The following HSD17B4 variants were observed in gnomAD, a reference collection of about 807,000 sequenced individuals.
HSD17B4 encodes the protein hydroxysteroid 17-beta dehydrogenase 4.
Under a neutral mutation model 101.0 loss-of-function variants are expected in HSD17B4, and 70 were observed. The observed-to-expected ratio is 0.69, with a 90% CI of 0.57 to 0.85. The LOEUF is 0.85. Among genes scored for constraint, HSD17B4 ranks in the 40% least tolerant of loss-of-function variants. HSD17B4 has a pLI of 0.00. For missense variants in HSD17B4, 984 were observed against 892.4 expected (o/e 1.10, Z -1.31); for synonymous variants, 347 against 297.1 (o/e 1.17, Z -1.73).
chr5:119,477,428 A>G lies in HSD17B4; in HGVS notation c.361A>G (p.Arg121Gly), dbSNP rs1455328824. 6.2e-7 allele frequency: 1 copy of G among 1,607,492 alleles called. No individual in the cohort carries two copies. The highest frequency in any genetic ancestry group is 1.7e-5 in the Admixed American group (1 of 59,938). Reference sequence around the variant, plus strand: ...ATTTATTGTTTTAGATATAATCCACAGAGTTCATTTGCGGGGTTCATTCCA... The same window carrying G: ...ATTTATTGTTTTAGATATAATCCACGGAGTTCATTTGCGGGGTTCATTCCA... ...ISDEDWDIIH[R>G]VHLRGSFQVT... is the part of the protein sequence containing the mutation. The change falls in exon 7 of 24, where the codon AGA becomes GGA. Residue 121 changes from arginine (R) to glycine (G), a missense_variant. Transcript: ENST00000510025.
intron 2 of HSD17B4, among the ~76,000 whole-genome samples, chr5:119,459,411 A>C (rs1255079116): frequency 6.6e-6 from 1 of 152,234 alleles, no homozygotes; most frequent in Non-Finnish European, 1.5e-5. Flanking sequence ...GATATATCAA[A>C]GTGAAGGTCT....
intron 20 of HSD17B4, among the ~76,000 whole-genome samples, chr5:119,528,968 GT>G (rs1167375813): frequency 1.3e-5 from 2 of 151,858 alleles, no homozygotes; most frequent in African/African-American, 2.4e-5. Context: ...TTAAACCAGT[GT>G]TTTAAAATGA....
At chr5:119,458,611 G>A (rs758910222) in intron 2 of HSD17B4, among the ~76,000 whole-genome samples, 2 of 150,884 alleles carry the variant, frequency 1.3e-5, no homozygotes, top group Non-Finnish European at 2.9e-5. Flanking sequence ...CACTTCTACC[G>A]ACATTTCATT....
At chr5:119,461,257 A>G (rs889689556) in intron 2 of HSD17B4, among the ~76,000 whole-genome samples, 9 of 152,240 alleles carry the variant, frequency 5.9e-5, no homozygotes, top group Non-Finnish European at 1.0e-4. Flanking sequence ...GACATTTACA[A>G]ATCTATAAGC....
intron 2 of HSD17B4, among the ~76,000 whole-genome samples, chr5:119,463,552 G>A (rs890509863): frequency 7.9e-5 from 11 of 139,516 alleles, no homozygotes; most frequent in African/African-American, 2.9e-4. Context: ...TTTGATAGTA[G>A]CCATTCTAAC....
At chr5:119,530,845 C>CAAAAAA (rs11423247) in intron 21 of HSD17B4, among the ~76,000 whole-genome samples, 90 of 56,078 alleles carry the variant, frequency 1.6e-3, no homozygotes, top group African/African-American at 2.2e-3. Flanking sequence ...AAGTCTGTCT[C>CAAAAAA]AAAAAAAAAA....
intron 14 of HSD17B4, among the ~76,000 whole-genome samples, chr5:119,504,890 A>G (rs748089194): frequency 9.9e-5 from 15 of 152,194 alleles, no homozygotes; most frequent in Non-Finnish European, 1.9e-4. Flanking sequence ...GAGGTCTTAC[A>G]TCTAAATATT....
intron 2 of HSD17B4, among the ~76,000 whole-genome samples, chr5:119,461,245 A>G (rs1402661966): frequency 6.6e-6 from 1 of 152,230 alleles, no homozygotes; most frequent in African/African-American, 2.4e-5. Flanking sequence ...TTATAAATAA[A>G]GGACATTTAC....
At chr5:119,538,081 A>G (rs549952295) in intron 23 of HSD17B4, among the ~76,000 whole-genome samples, 2 of 152,098 alleles carry the variant, frequency 1.3e-5, no homozygotes, top group Non-Finnish European at 2.9e-5. Flanking sequence ...CCTCTACTTG[A>G]CCACTCTGAT....
chr5:119,492,264 A>G (rs577080734), intron 10 of HSD17B4, 140 bp downstream of exon 10: 10 of 743,860 alleles, frequency 1.3e-5, no homozygotes, highest in African/African-American at 1.0e-4. Context: ...AAACATTGCT[A>G]TAGCAACAGG....
At chr5:119,479,695 T>C (rs2678072) in intron 8 of HSD17B4, among the ~76,000 whole-genome samples, 3,162 of 152,272 alleles carry the variant, frequency 0.021, 95 homozygotes, top group African/African-American at 0.071. Flanking sequence ...TTTTCAGTAA[T>C]ATTCCGTGGT....
intron 8 of HSD17B4, among the ~76,000 whole-genome samples, chr5:119,483,261 G>A (rs1287590588): frequency 6.6e-6 from 1 of 152,120 alleles, no homozygotes; most frequent in East Asian, 1.9e-4. Flanking sequence ...CTAACTGCTT[G>A]GGCTCTGGGG....
intron 15 of HSD17B4, among the ~76,000 whole-genome samples, chr5:119,507,104 A>G (rs1475040933): frequency 6.6e-6 from 1 of 152,206 alleles, no homozygotes; most frequent in Non-Finnish European, 1.5e-5. Flanking sequence ...GAGGCATTTC[A>G]TTGGATTTAA....
chr5:119,454,121 A>G (rs1360508852), intron 1 of HSD17B4, among the ~76,000 whole-genome samples: 1 of 152,192 alleles, frequency 6.6e-6, no homozygotes, highest in African/African-American at 2.4e-5. Context: ...CCAGTTCATG[A>G]TATAGTGTGT....
At chr5:119,533,114 T>C (rs1476014253) in intron 22 of HSD17B4, among the ~76,000 whole-genome samples, 1 of 152,086 alleles carries the variant, frequency 6.6e-6, no homozygotes, top group Non-Finnish European at 1.5e-5. Flanking sequence ...TAAGGACTTG[T>C]GGACCTGTAC....
At chr5:119,533,996 G>T (rs1027231697) in intron 22 of HSD17B4, among the ~76,000 whole-genome samples, 6 of 152,034 alleles carry the variant, frequency 3.9e-5, no homozygotes, top group East Asian at 1.9e-4. Context: ...TATATTGTTT[G>T]TATGTATCCA....
intron 17 of HSD17B4, among the ~76,000 whole-genome samples, chr5:119,517,372 A>G (rs1752719359): frequency 6.6e-6 from 1 of 152,272 alleles, no homozygotes; most frequent in South Asian, 2.1e-4. Flanking sequence ...GCAGCCCGCC[A>G]TGCCTGAGCC....
chr5:119,452,665 T>C lies in HSD17B4; in HGVS notation c.58+32T>C, dbSNP rs772647881. ...ATGCGAAGGTTGGAGGCCGCGCCCC[T>C]TGCTGAGGCGCAGCTGGCTGCTCTT... On this transcript the variant is annotated intron_variant, in intron 1 of 23. Coordinates refer to ENST00000510025, the MANE Select transcript of HSD17B4 (RefSeq NM_000414.4). 6 of 1,613,222 alleles carry C rather than the reference T, an allele frequency of 3.7e-6. No homozygotes were observed. The South Asian group carries it at 6.6e-5, about 18-fold the overall frequency.
At chr5:119,492,017 G>A (rs1390290027) in intron 9 of HSD17B4, 83 bp from the exon 10 acceptor site, 20 of 1,023,832 alleles carry the variant, frequency 2.0e-5, no homozygotes, top group Non-Finnish European at 2.8e-5. Context: ...TGCTAGTAGA[G>A]GAGCTGACTT....
Sources: allele counts gnomAD v4.1 joint callset (sites outside exome capture counted in the v4.1 genomes callset), GRCh38; gene constraint gnomAD v4.1.1; transcripts MANE v1.5; gene names NCBI Gene and HGNC (gene_info 2026-07-23, HGNC 2026-07-21).